Variants in PODXL observed in about 807,000 individuals in gnomAD.
PODXL encodes podocalyxin like.
PODXL carries 20 observed loss-of-function variants against 48.9 expected under a neutral mutation model. That is an observed-to-expected ratio of 0.41 (90% confidence interval 0.29 to 0.59). The LOEUF (loss-of-function observed/expected upper bound fraction) is 0.59, where lower values mean the gene tolerates loss of function less well. Among genes scored for constraint, PODXL ranks in the 20% least tolerant of loss-of-function variants. The probability of loss-of-function intolerance (pLI) is 0.31; values close to 1 mark genes in which losing one functional copy is unlikely to be tolerated. For synonymous variants in PODXL, 295 were observed against 287.4 expected (o/e 1.03, Z -0.27); for missense variants, 606 against 675.1 (o/e 0.90, Z 1.13).
In PODXL at chr7:131,551,367, C is replaced by A. The variant is rs1166979265; in HGVS notation, c.100+4893G>T. On this transcript the variant is annotated intron_variant, in intron 1 of 8. Transcript: ENST00000378555. ...GTGCAAATAGGAAATGAGCCCAGAG[C>A]TGGGTAAAGAGCTCCTGGCTGAGGT... Among the ~76,000 whole-genome samples the A allele has an allele frequency of 9.2e-5, 14 of 152,326 alleles. No homozygotes were observed. The East Asian group carries it at 2.7e-3, about 29-fold the overall frequency.
chr7:131,547,545 T>C (rs1798600730), intron 1 of PODXL, among the ~76,000 whole-genome samples: 1 of 152,160 alleles, frequency 6.6e-6, no homozygotes, highest in Non-Finnish European at 1.5e-5. Context: ...GGCTAACAAG[T>C]GTCGAAGCTG....
Position 131,502,439 on chromosome 7 carries a change from A to G in PODXL, c.*1872T>C, listed in dbSNP as rs1006916314. On this transcript the variant is annotated 3_prime_UTR_variant, in exon 9 of 9. Coordinates refer to ENST00000378555, the MANE Select transcript of PODXL (RefSeq NM_001018111.3). ...CCTGGCCTTCCTTTTCCCCTAGGAT[A>G]TCAGATGGCTACAGACTGTGAGGAA... 6.6e-6 allele frequency: 1 copy of G among 152,264 alleles called. No individual in the cohort carries two copies. The highest frequency in any genetic ancestry group is 1.5e-5 in the Non-Finnish European group (1 of 68,136). 9.4% of individuals were successfully genotyped at this position (152,264 alleles called of 1,614,324 possible). A position where few individuals can be genotyped will look rare whatever the true frequency, so the allele number is the denominator to read the frequency against.
chr7:131,528,302 A>G (rs947512127), intron 1 of PODXL, among the ~76,000 whole-genome samples: 2 of 152,208 alleles, frequency 1.3e-5, no homozygotes, highest in African/African-American at 2.4e-5. Flanking sequence ...AATTTTCTCA[A>G]TGAAGTCTAG....
At chr7:131,539,555 T>C (rs1025878592) in intron 1 of PODXL, among the ~76,000 whole-genome samples, 2 of 152,170 alleles carry the variant, frequency 1.3e-5, no homozygotes, top group African/African-American at 2.4e-5. Flanking sequence ...GGTCTTGAAG[T>C]CCTGACCTCG....
At chr7:131,555,729 C>T (rs535548235) in intron 1 of PODXL, among the ~76,000 whole-genome samples, 1 of 152,346 alleles carries the variant, frequency 6.6e-6, no homozygotes, top group East Asian at 1.9e-4. Flanking sequence ...AGCCTGCACA[C>T]ATTACTTAGA....
rs936341674 is a variant in PODXL, at chr7:131,504,578, G to C, written c.1480-70C>G. The C allele has an allele frequency of 5.5e-6, 7 of 1,284,356 alleles. No individual in the cohort carries two copies. In the Admixed American group the frequency reaches 6.9e-5, roughly 13 times the overall value. The allele number at this position is 1,284,356 out of a possible 1,614,324, so 79.6% of individuals were successfully genotyped here. The stretch of plus-strand genomic sequence containing the variant: ...TCTGAGCTTAATACAGCGCATGTAC[G>C]TACCCCTCCCACTCAGGAGCCCCAC... On this transcript the variant is annotated intron_variant, in intron 8 of 8. Transcript: ENST00000378555.
intron 1 of PODXL, among the ~76,000 whole-genome samples, chr7:131,519,737 T>A (rs1168475615): frequency 1.3e-5 from 2 of 152,172 alleles, no homozygotes; most frequent in Admixed American, 1.3e-4. Flanking sequence ...TTTCTTTTTT[T>A]TATTTTTTTG....
chr7:131,551,795 G>A (rs1426729059), intron 1 of PODXL, among the ~76,000 whole-genome samples: 2 of 152,084 alleles, frequency 1.3e-5, no homozygotes, highest in African/African-American at 4.8e-5. Flanking sequence ...AAATTAGCCG[G>A]GCGTGGAGGT....
Position 131,500,726 on chromosome 7 carries a change from A to C in PODXL, c.*3585T>G, listed in dbSNP as rs994682418. ...CTAAATGATTCAGAGAAAGTGTAGA[A>C]GACCAGTTCTTATGTTTGTGTTCAT... On this transcript the variant is annotated 3_prime_UTR_variant, in exon 9 of 9. Coordinates refer to ENST00000378555, the MANE Select transcript of PODXL (RefSeq NM_001018111.3). 1.8e-4 allele frequency: 27 copies of C among 152,246 alleles called. No individual in the cohort carries two copies. The highest frequency in any genetic ancestry group is 5.5e-4 in the African/African-American group (23 of 41,474). 9.4% of individuals were successfully genotyped at this position (152,246 alleles called of 1,614,324 possible). A position where few individuals can be genotyped will look rare whatever the true frequency, so the allele number is the denominator to read the frequency against.
chr7:131,506,035 C>T lies in PODXL; in HGVS notation c.1312G>A (p.Ala438Thr), dbSNP rs767998315. ...CCTAGCTTCATGTCACTGACCCCTG[C>T]CTGCATGGGAAGTGGCAGAGAACAG... ...LKDKWDELKEAGVSDMKLGDQ... is the reference protein window; with the variant it reads ...LKDKWDELKETGVSDMKLGDQ... Residue 438 changes from alanine (A) to threonine (T), a missense_variant and splice_region_variant, in exon 8 of 9, where the codon GCA becomes ACA. Transcript: ENST00000378555. 1 of 1,609,992 alleles carries T rather than the reference C, an allele frequency of 6.2e-7. No individual in the cohort carries two copies. The highest frequency in any genetic ancestry group is 1.7e-5 in the Admixed American group (1 of 59,648).
At chr7:131,544,315 A>T (rs1401635381) in intron 1 of PODXL, among the ~76,000 whole-genome samples, 2 of 152,248 alleles carry the variant, frequency 1.3e-5, no homozygotes, top group Non-Finnish European at 2.9e-5. Context: ...TGCCTGTGGC[A>T]TTCAGAGATG....
rs1562921974 is a variant in PODXL, at chr7:131,556,265, T to C, written c.95A>G (p.Gln32Arg). 7.0e-7 allele frequency: 1 copy of C among 1,422,382 alleles called. No homozygotes were observed. The highest frequency in any genetic ancestry group is 9.1e-7 in the Non-Finnish European group (1 of 1,095,150). 88.1% of individuals were successfully genotyped at this position (1,422,382 alleles called of 1,614,324 possible). A position where few individuals can be genotyped will look rare whatever the true frequency, so the allele number is the denominator to read the frequency against. The change falls in exon 1 of 9, where the codon CAG becomes CGG. Residue 32 changes from glutamine to arginine, a missense_variant. Physicochemically the swap from Gln to Arg is conservative, Grantham distance 43 (BLOSUM62 1). Transcript: ENST00000378555. The stretch of plus-strand genomic sequence containing the variant: ...AACCCAGGCCGGCCACTCACCATTC[T>C]GGGAGGGCGACGGCGACGGCGACGG... ...SSPSPSPSPS[Q>R]NATQTTTDSS...
intron 1 of PODXL, among the ~76,000 whole-genome samples, chr7:131,548,100 C>T (rs1798610976): frequency 6.6e-6 from 1 of 152,240 alleles, no homozygotes; most frequent in South Asian, 2.1e-4. Flanking sequence ...TTGTGCATTA[C>T]CAGAAACTGC....
At chr7:131,546,991 G>A (rs959577308) in intron 1 of PODXL, among the ~76,000 whole-genome samples, 3 of 152,198 alleles carry the variant, frequency 2.0e-5, no homozygotes, top group Non-Finnish European at 4.4e-5. Context: ...CTGTGAGGTC[G>A]CAGAGGATGC....
At position 131,502,575 on chromosome 7, in the gene PODXL, G is replaced by A. The variant is rs1352426496; in HGVS notation, c.*1736C>T. 6.6e-6 allele frequency: 1 copy of A among 152,152 alleles called. No homozygotes were observed. Among genetic ancestry groups the A allele is most frequent in the Non-Finnish European group, 1.5e-5 (1 of 68,076 alleles). The allele number at this position is 152,152 out of a possible 1,614,324, so 9.4% of individuals were successfully genotyped here. A position where few individuals can be genotyped will look rare whatever the true frequency, so the allele number is the denominator to read the frequency against. On this transcript the variant is annotated 3_prime_UTR_variant, in exon 9 of 9. Coordinates refer to ENST00000378555, the MANE Select transcript of PODXL (RefSeq NM_001018111.3). ...TATTTCATCAGAGCTACTACAGCCGGAGCCTGACTCTTAAGACCCTGGAGG... is the reference window on the plus strand; with the variant it reads ...TATTTCATCAGAGCTACTACAGCCGAAGCCTGACTCTTAAGACCCTGGAGG...
At chr7:131,517,532 T>C (rs1798020338) in intron 1 of PODXL, among the ~76,000 whole-genome samples, 1 of 152,178 alleles carries the variant, frequency 6.6e-6, no homozygotes, top group Admixed American at 6.5e-5. Flanking sequence ...CGTTAACAAA[T>C]GACTACAAAC....
chr7:131,546,442 T>C (rs76240637), intron 1 of PODXL, among the ~76,000 whole-genome samples: 3,583 of 152,202 alleles, frequency 0.024, 140 homozygotes, highest in African/African-American at 0.081. Context: ...AAGCCTGTTT[T>C]GGGCCGGGCG....
At chr7:131,524,746 C>T (rs571212959) in intron 1 of PODXL, among the ~76,000 whole-genome samples, 3 of 152,236 alleles carry the variant, frequency 2.0e-5, no homozygotes, top group Admixed American at 6.5e-5. Flanking sequence ...CAATTCCATT[C>T]TTATTTACCT....
rs868013200 is a variant in PODXL at position 131,502,718 on chromosome 7, A to G, written c.*1593T>C. On this transcript the variant is annotated 3_prime_UTR_variant, in exon 9 of 9. Coordinates refer to ENST00000378555, the MANE Select transcript of PODXL (RefSeq NM_001018111.3). ...ATGGAGACCATGGCGAAAGTTCAAC[A>G]TTCCACACAGGATTCCCCCTTCTCA... The G allele has an allele frequency of 1.6e-4, 24 of 152,666 alleles. No homozygotes were observed. Among genetic ancestry groups the G allele is most frequent in the African/African-American group, 4.8e-4 (20 of 41,450 alleles). 9.5% of individuals were successfully genotyped at this position (152,666 alleles called of 1,614,324 possible).
Sources: gnomAD v4.1 joint callset for allele counts (sites outside exome capture counted in the v4.1 genomes callset) on GRCh38, gnomAD v4.1.1 for gene constraint, MANE v1.5 for transcripts, NCBI Gene and HGNC (gene_info 2026-07-23, HGNC 2026-07-21) for gene names.